Variants in KCNIP4 observed in about 807,000 individuals in gnomAD.
KCNIP4 encodes potassium voltage-gated channel interacting protein 4.
Under a neutral mutation model 34.0 loss-of-function variants are expected in KCNIP4, and 12 were observed. That is an observed-to-expected ratio of 0.35 (90% CI 0.23 to 0.57). The LOEUF (loss-of-function observed/expected upper bound fraction) is 0.57. KCNIP4 is among the 20% of genes least tolerant of loss of function. The probability of loss-of-function intolerance (pLI) is 0.83; values close to 1 mark genes in which losing one functional copy is unlikely to be tolerated. For missense variants in KCNIP4, 238 were observed against 311.7 expected (o/e 0.76, Z 1.78); for synonymous variants, 124 against 102.2 (o/e 1.21, Z -1.29).
intron 1 of KCNIP4, chr4:21,730,208 C>T (rs983675571): frequency 3.0e-4 from 46 of 152,124 alleles, no homozygotes; most frequent in African/African-American, 9.4e-4. Flanking sequence ...TCAGTATCAC[C>T]CAGTGATTAA....
chr4:20,785,662 T>C (rs1711884930), intron 3 of KCNIP4, among the ~76,000 whole-genome samples: 1 of 152,156 alleles, frequency 6.6e-6, no homozygotes, highest in African/African-American at 2.4e-5. Context: ...AAAAATTTGA[T>C]TAAAAATGCC....
At chr4:21,925,280 G>A (rs1366852408) in intron 1 of KCNIP4, among the ~76,000 whole-genome samples, 3 of 141,846 alleles carry the variant, frequency 2.1e-5, no homozygotes, top group African/African-American at 8.1e-5. Flanking sequence ...TCCCCTTCCT[G>A]TGTCCATGGG....
chr4:21,147,403 A>T (rs1273274840), intron 1 of KCNIP4, among the ~76,000 whole-genome samples: 1 of 152,188 alleles, frequency 6.6e-6, no homozygotes, highest in Non-Finnish European at 1.5e-5. Context: ...AACTCTTTTC[A>T]AATTACCCAA....
chr4:21,716,062 C>A (rs1375792416), intron 1 of KCNIP4, among the ~76,000 whole-genome samples: 1 of 152,116 alleles, frequency 6.6e-6, no homozygotes, highest in Non-Finnish European at 1.5e-5. Context: ...ATTAGCATCA[C>A]CATTAAAAAG....
At chr4:21,316,084 T>G (rs1241946248) in intron 1 of KCNIP4, among the ~76,000 whole-genome samples, 1 of 152,220 alleles carries the variant, frequency 6.6e-6, no homozygotes, top group Non-Finnish European at 1.5e-5. Flanking sequence ...AGAATCAGCT[T>G]AAATCCTTCC....
Position 21,143,493 on chromosome 4 carries a change from G to T in KCNIP4, c.62-260784C>A, listed in dbSNP as rs1415069178. Among the ~76,000 whole-genome samples the T allele has an allele frequency of 2.0e-5, 3 of 152,100 alleles. No individual in the cohort carries two copies. In the East Asian group the frequency reaches 5.8e-4, roughly 29 times the overall value. ...GATTCTTCCCCAGAGATTCCAGGCAGTAGCCCAGCCCAGCAACACCTTGAT... is the reference window on the plus strand; with the variant it reads ...GATTCTTCCCCAGAGATTCCAGGCATTAGCCCAGCCCAGCAACACCTTGAT... On this transcript the variant is annotated intron_variant, in intron 1 of 8. Transcript: ENST00000382152.
At chr4:21,878,870 G>A (rs1415393556) in intron 1 of KCNIP4, among the ~76,000 whole-genome samples, 2 of 152,190 alleles carry the variant, frequency 1.3e-5, no homozygotes, top group Non-Finnish European at 2.9e-5. Flanking sequence ...ACATAAAGAA[G>A]TGAGCTGAGT....
intron 4 of KCNIP4, among the ~76,000 whole-genome samples, chr4:20,754,636 T>C (rs145270814): frequency 7.4e-4 from 112 of 152,340 alleles, no homozygotes; most frequent in African/African-American, 2.6e-3. Flanking sequence ...GTGGTCAGAT[T>C]TCTGCATTCA....
At chr4:21,382,676 T>C (rs1721625196) in intron 1 of KCNIP4, among the ~76,000 whole-genome samples, 1 of 152,220 alleles carries the variant, frequency 6.6e-6, no homozygotes, top group South Asian at 2.1e-4. Flanking sequence ...TTAATAAAGA[T>C]GCCTATTGCC....
intron 1 of KCNIP4, among the ~76,000 whole-genome samples, chr4:21,563,928 A>G (rs1739646087): frequency 6.6e-6 from 1 of 152,136 alleles, no homozygotes. Context: ...AGTTAACTAA[A>G]AGAATCACGT....
chr4:21,489,881 A>G (rs1732231852), intron 1 of KCNIP4, among the ~76,000 whole-genome samples: 1 of 152,176 alleles, frequency 6.6e-6, no homozygotes, highest in Non-Finnish European at 1.5e-5. Context: ...ATGAAAAAAA[A>G]TATGATATCC....
At chr4:21,683,411 C>A (rs1458194850) in intron 1 of KCNIP4, among the ~76,000 whole-genome samples, 1 of 145,408 alleles carries the variant, frequency 6.9e-6, no homozygotes, top group South Asian at 2.2e-4. Flanking sequence ...AAGTAACTTG[C>A]CCGAGATCAT....
At chr4:21,121,070 C>T (rs1358043912) in intron 1 of KCNIP4, among the ~76,000 whole-genome samples, 2 of 152,154 alleles carry the variant, frequency 1.3e-5, no homozygotes, top group African/African-American at 4.8e-5. Context: ...AATACATAAG[C>T]CATCTTATTC....
chr4:21,284,991 C>T (rs1763025831), intron 1 of KCNIP4, among the ~76,000 whole-genome samples: 2 of 152,062 alleles, frequency 1.3e-5, no homozygotes, highest in Non-Finnish European at 2.9e-5. Context: ...GTTCTGATGC[C>T]TATATCAGTG....
chr4:21,390,808 A>G (rs1722494062), intron 1 of KCNIP4, among the ~76,000 whole-genome samples: 1 of 152,078 alleles, frequency 6.6e-6, no homozygotes, highest in South Asian at 2.1e-4. Flanking sequence ...TTCCATATGA[A>G]CATACCTTGT....
At chr4:21,199,461 G>A (rs929518427) in intron 1 of KCNIP4, among the ~76,000 whole-genome samples, 2 of 152,148 alleles carry the variant, frequency 1.3e-5, no homozygotes, top group Non-Finnish European at 2.9e-5. Flanking sequence ...GTAGATTCTG[G>A]ATATTAGCCC....
intron 1 of KCNIP4, among the ~76,000 whole-genome samples, chr4:21,359,644 G>A (rs1261442898): frequency 3.3e-5 from 5 of 152,018 alleles, no homozygotes; most frequent in Admixed American, 2.0e-4. Context: ...ACTGTTTAAG[G>A]TAGTTCCATT....
chr4:21,270,715 G>T (rs114076344), intron 1 of KCNIP4, among the ~76,000 whole-genome samples: 2,029 of 152,028 alleles, frequency 0.013, 46 homozygotes, highest in African/African-American at 0.046. Context: ...ACCCAGGTGC[G>T]GTGGCTCACA....
chr4:21,883,391 CT>C (rs1480404922), intron 1 of KCNIP4, among the ~76,000 whole-genome samples: 2 of 152,144 alleles, frequency 1.3e-5, no homozygotes, highest in Non-Finnish European at 2.9e-5. Flanking sequence ...TCAAGTGATC[CT>C]TTTGCCTTGG....
Sources: allele counts gnomAD v4.1 joint callset (sites outside exome capture counted in the v4.1 genomes callset), GRCh38; gene constraint gnomAD v4.1.1; transcripts MANE v1.5; gene names NCBI Gene and HGNC (gene_info 2026-07-23, HGNC 2026-07-21).